NTM: variants seen among roughly 807,000 people sequenced by gnomAD.
NTM encodes neurotrimin.
NTM carries 13 observed loss-of-function variants against 42.1 expected under a neutral mutation model. That is an observed-to-expected ratio of 0.31 (90% confidence interval 0.20 to 0.49). The LOEUF (loss-of-function observed/expected upper bound fraction) is 0.49, where lower values mean the gene tolerates loss of function less well. Among genes scored for constraint, NTM ranks in the 20% least tolerant of loss-of-function variants. The pLI is 0.99. For missense variants in NTM, 373 were observed against 452.8 expected (o/e 0.82, Z 1.60); for synonymous variants, 187 against 179.2 (o/e 1.04, Z -0.35).
intron 1 of NTM, among the ~76,000 whole-genome samples, chr11:131,886,879 T>C (rs1035476609): frequency 2.0e-5 from 3 of 152,222 alleles, no homozygotes; most frequent in Non-Finnish European, 2.9e-5. Flanking sequence ...AGACCTCTCA[T>C]TGATAGAGTG....
Position 131,813,424 on chromosome 11 carries a change from G to A in NTM, c.83-98140G>A, listed in dbSNP as rs116935555. 1.7e-3 allele frequency among the ~76,000 whole-genome samples: 256 copies of A among 152,248 alleles called. 9 individuals carry two copies. The East Asian group carries it at 0.047, about 28-fold the overall frequency. ...ATAAGCTAATGAGGAAGACACATAT[G>A]CAGAATCATGGCCAACTCATCATAG... is the stretch of plus-strand genomic sequence containing the variant. On this transcript the variant is annotated intron_variant, in intron 1 of 8. Coordinates refer to ENST00000683400, the MANE Select transcript of NTM (RefSeq NM_001352005.2).
chr11:132,174,559 C>T (rs2076531405), intron 3 of NTM, among the ~76,000 whole-genome samples: 1 of 152,176 alleles, frequency 6.6e-6, no homozygotes, highest in Non-Finnish European at 1.5e-5. Context: ...CTTTCTCCCT[C>T]TTATGGAGGG....
intron 1 of NTM, among the ~76,000 whole-genome samples, chr11:131,748,747 C>T (rs557499608): frequency 6.6e-6 from 1 of 152,218 alleles, no homozygotes; most frequent in Non-Finnish European, 1.5e-5. Context: ...TTCAGAATGG[C>T]TCTCCTCTGC....
intron 1 of NTM, among the ~76,000 whole-genome samples, chr11:131,885,694 C>A (rs1034940478): frequency 6.6e-6 from 1 of 152,146 alleles, no homozygotes; most frequent in Non-Finnish European, 1.5e-5. Flanking sequence ...GCCACCACAA[C>A]AAAGGAGCTT....
rs34057469 is a variant in NTM at position 131,816,547 on chromosome 11, GAAAA to G, written c.83-95007_83-95004del. Among the ~76,000 whole-genome samples, 437 of 140,008 alleles carry G rather than the reference GAAAA, an allele frequency of 3.1e-3. 1 individual carries two copies. The highest frequency in any genetic ancestry group is 0.012 in the African/African-American group (403 of 34,102). The allele number at this position is 140,008 out of a possible 152,430, so 91.9% of individuals were successfully genotyped here. On this transcript the variant is annotated intron_variant, in intron 1 of 8. Transcript: ENST00000683400. ...ACAAGTTCATTGAATATTAAAGCAAGAAAAAAAAAAAAAGGAATTTAAAGATTAT... is the reference window on the plus strand; with the variant it reads ...ACAAGTTCATTGAATATTAAAGCAAGAAAAAAAAAGGAATTTAAAGATTAT...
At chr11:131,753,090 A>G (rs1359346880) in intron 1 of NTM, among the ~76,000 whole-genome samples, 4 of 152,132 alleles carry the variant, frequency 2.6e-5, no homozygotes, top group Non-Finnish European at 5.9e-5. Context: ...GGACATGAAC[A>G]GACACTTCTC....
chr11:131,755,478 G>A (rs1028426145), intron 1 of NTM, among the ~76,000 whole-genome samples: 1 of 152,098 alleles, frequency 6.6e-6, no homozygotes, highest in African/African-American at 2.4e-5. Flanking sequence ...TGGATGACCA[G>A]CTAAATTCTA....
intron 3 of NTM, among the ~76,000 whole-genome samples, chr11:132,167,607 A>G (rs926331185): frequency 2.6e-5 from 4 of 152,196 alleles, no homozygotes; most frequent in African/African-American, 9.6e-5. Context: ...GTTATGAGCA[A>G]CATATTGGCT....
intron 8 of NTM, 53 bp downstream of exon 8, chr11:132,330,238 A>C: frequency 1.3e-6 from 2 of 1,536,762 alleles, no homozygotes; most frequent in Admixed American, 2.0e-5. Flanking sequence ...GGTATGTAAA[A>C]CTCTTCACCT....
chr11:131,695,083 C>A (rs1038911169), intron 1 of NTM, among the ~76,000 whole-genome samples: 2 of 152,160 alleles, frequency 1.3e-5, no homozygotes, highest in African/African-American at 4.8e-5. Context: ...CCAGGGGAAA[C>A]GCACGATGCG....
At chr11:131,678,369 C>A (rs143627406) in intron 1 of NTM, among the ~76,000 whole-genome samples, 10 of 152,234 alleles carry the variant, frequency 6.6e-5, no homozygotes, top group Admixed American at 6.5e-5. Context: ...TCTGGCCCAG[C>A]GCTGACCACT....
chr11:131,845,910 A>AATCTGGTTT (rs2044845242), intron 1 of NTM, among the ~76,000 whole-genome samples: 1 of 152,156 alleles, frequency 6.6e-6, no homozygotes, highest in African/African-American at 2.4e-5. Flanking sequence ...GCAGTTCTAG[A>AATCTGGTTT]TAAATAAGTG....
At chr11:131,757,425 C>T (rs993689563) in intron 1 of NTM, among the ~76,000 whole-genome samples, 1 of 152,154 alleles carries the variant, frequency 6.6e-6, no homozygotes, top group Non-Finnish European at 1.5e-5. Context: ...CACCGTTTTC[C>T]CAAGGGGTTT....
chr11:131,528,509 C>T (rs1370617759), intron 1 of NTM, among the ~76,000 whole-genome samples: 2 of 152,180 alleles, frequency 1.3e-5, no homozygotes, highest in Non-Finnish European at 2.9e-5. Context: ...CTCAGTGCCA[C>T]AGATGCTTCA....
intron 1 of NTM, chr11:131,660,694 C>T (rs1473822569): frequency 2.4e-6 from 1 of 419,120 alleles, no homozygotes; most frequent in East Asian, 7.1e-5. Flanking sequence ...GGGTGTGGGG[C>T]TAGGGTGGTG....
At chr11:132,075,354 C>T (rs1566092999) in intron 2 of NTM, among the ~76,000 whole-genome samples, 1 of 152,168 alleles carries the variant, frequency 6.6e-6, no homozygotes, top group South Asian at 2.1e-4. Flanking sequence ...TTAATCAATA[C>T]ATATTAAAAT....
At chr11:131,504,085 A>G (rs1213007455) in intron 1 of NTM, among the ~76,000 whole-genome samples, 1 of 152,150 alleles carries the variant, frequency 6.6e-6, no homozygotes, top group African/African-American at 2.4e-5. Context: ...CTGCTCATCC[A>G]GGGCTCCCTG....
At chr11:131,532,946 A>G (rs2051517548) in intron 1 of NTM, among the ~76,000 whole-genome samples, 1 of 152,086 alleles carries the variant, frequency 6.6e-6, no homozygotes, top group East Asian at 1.9e-4. Flanking sequence ...TGTTGAATAT[A>G]TAAGTTGTGA....
At chr11:131,448,246 C>T (rs1950217153) in intron 1 of NTM, among the ~76,000 whole-genome samples, 1 of 152,244 alleles carries the variant, frequency 6.6e-6, no homozygotes, top group African/African-American at 2.4e-5. Context: ...GTTGGAGCAG[C>T]TGTCACAGCT....
Sources: allele counts gnomAD v4.1 joint callset (sites outside exome capture counted in the v4.1 genomes callset), GRCh38; gene constraint gnomAD v4.1.1; transcripts MANE v1.5; gene names NCBI Gene and HGNC (gene_info 2026-07-23, HGNC 2026-07-21).